The following COL20A1 variants were observed in gnomAD, a reference collection of about 807,000 sequenced individuals.
COL20A1 encodes the protein collagen alpha-1(XX) chain.
In COL20A1, 164 loss-of-function variants were observed where a neutral mutation model predicts 152.9. That is an observed-to-expected ratio of 1.07 (90% CI 0.94 to 1.22). The LOEUF is 1.22. Among genes scored for constraint, COL20A1 ranks in the 50% most tolerant of loss-of-function variants. The pLI, the probability that COL20A1 is intolerant of heterozygous loss-of-function variation, is 0.00. For synonymous variants in COL20A1, 864 were observed against 756.0 expected (o/e 1.14, Z -2.34); for missense variants, 1,873 against 1,744.8 (o/e 1.07, Z -1.31).
Position 63,311,729 on chromosome 20 carries a change from G to C in COL20A1, c.1644G>C (p.Arg548=). Residue 548 remains arginine (R), a synonymous_variant, in exon 13 of 36, where the codon CGG becomes CGC. Transcript: ENST00000358894. The surrounding 1 kb of genome is among the most constrained non-coding windows in gnomAD (Gnocchi z 4.4). Reference sequence around the variant, plus strand: ...GAGGCCCTGAGGGCAGCGAGGCCCGGGGCATCCGTGCCAGGACCCGTGAGT... The same window carrying C: ...GAGGCCCTGAGGGCAGCGAGGCCCGCGGCATCCGTGCCAGGACCCGTGAGT... ...SLRGPEGSEA[R]GIRARTPTLA... 6.3e-7 allele frequency: 1 copy of C among 1,595,604 alleles called. No individual in the cohort carries two copies. The highest frequency in any genetic ancestry group is 8.5e-7 in the Non-Finnish European group (1 of 1,175,378).
Position 63,310,439 on chromosome 20 carries a change from A to G in COL20A1, c.1322A>G (p.Glu441Gly), listed in dbSNP as rs2067990282. The G allele has an allele frequency of 1.2e-6, 2 of 1,610,180 alleles. No homozygotes were observed. The highest frequency in any genetic ancestry group is 1.7e-6 in the Non-Finnish European group (2 of 1,178,920). Residue 441 changes from glutamate to glycine, a missense_variant, in exon 11 of 36, where the codon GAG becomes GGG. Transcript: ENST00000358894. ...CTGCACAACCTGGCCTCCCGCACAG[A>G]GTACCTGGTCTCCGTGTTCCCCATC... ...TELHNLASRT[E>G]YLVSVFPIYE...
chr20:63,334,118 A>G lies in COL20A1; in HGVS notation c.*3402A>G, dbSNP rs539906267. The stretch of plus-strand genomic sequence containing the variant: ...CCTCTCATGTGTGGAATATCCACAC[A>G]CTAACCATGAACTGGGCCATAAGAA... On this transcript the variant is annotated 3_prime_UTR_variant, in exon 36 of 36. Coordinates refer to ENST00000358894, the MANE Select transcript of COL20A1 (RefSeq NM_020882.4). The G allele has an allele frequency of 6.6e-6, 1 of 152,232 alleles. No homozygotes were observed. Among genetic ancestry groups the G allele is most frequent in the Admixed American group, 6.5e-5 (1 of 15,282 alleles). 9.4% of individuals were successfully genotyped at this position (152,232 alleles called of 1,614,324 possible).
rs201640631 is a variant in COL20A1, at chr20:63,329,623, C to T, written c.3820C>T (p.Gln1274Ter). The change falls in exon 35 of 36, where the codon CAG (glutamine) becomes TAG (stop). Residue 1274 changes from glutamine to a stop codon, truncating the protein, a stop_gained. Transcript: ENST00000358894. LOFTEE classifies it high-confidence loss of function. ...GAVGQMGSPGQQGASTQGLWE is the reference protein window; with the variant it reads ...GAVGQMGSPG ...TGTTGGTCAGATGGGCAGCCCTGGG[C>T]AGCAGGGGGCTAGCACCCAGGGCCT... The T allele has an allele frequency of 3.1e-5, 50 of 1,606,928 alleles. No homozygotes were observed. In the African/African-American group the frequency reaches 5.2e-4, roughly 17 times the overall value.
intron 20 of COL20A1, among the ~76,000 whole-genome samples, 163 bp from the exon 21 acceptor site, chr20:63,316,390 C>T (rs2068084369): frequency 6.6e-6 from 1 of 151,932 alleles, no homozygotes. Flanking sequence ...CTGCCCACCC[C>T]CCAGCCCCTG....
chr20:63,322,239 C>T (rs2068174697), intron 27 of COL20A1, 128 bp downstream of exon 27: 2 of 745,070 alleles, frequency 2.7e-6, no homozygotes, highest in Non-Finnish European at 2.1e-6. Flanking sequence ...GTGGGGTCTC[C>T]CCAAGCTGCA....
chr20:63,303,889 T>C (rs1379023818), intron 3 of COL20A1, among the ~76,000 whole-genome samples: 1 of 120,652 alleles, frequency 8.3e-6, no homozygotes, highest in Non-Finnish European at 1.7e-5. Context: ...TCCACCCTCC[T>C]CTTCTCCCTG....
chr20:63,301,012 T>A (rs549348806), intron 3 of COL20A1, among the ~76,000 whole-genome samples: 2 of 152,318 alleles, frequency 1.3e-5, no homozygotes, highest in African/African-American at 4.8e-5. Flanking sequence ...ATGCTTTCAG[T>A]CCTTTGGAAA....
chr20:63,307,445 A>G (rs2067939831), intron 5 of COL20A1, 45 bp from the exon 6 acceptor site: 18 of 1,574,536 alleles, frequency 1.1e-5, no homozygotes, highest in Non-Finnish European at 1.6e-5. Flanking sequence ...GCCTTGGACC[A>G]GGGATGGGCC....
chr20:63,320,013 G>A (rs1391215598), intron 23 of COL20A1, 26 bp from the exon 24 acceptor site: 1 of 1,549,214 alleles, frequency 6.5e-7, no homozygotes, highest in Non-Finnish European at 8.7e-7. Flanking sequence ...CCTGGGCTGT[G>A]GAGAACCTCC....
At position 63,308,051 on chromosome 20, in the gene COL20A1, G is replaced by C; in HGVS notation, c.736G>C (p.Val246Leu). ...CACCAAGGAACAGGTGCTGGCAGCTGTGCGCCGCCTCCGCTACAAGGGGGG... is the reference window on the plus strand; with the variant it reads ...CACCAAGGAACAGGTGCTGGCAGCTCTGCGCCGCCTCCGCTACAAGGGGGG... ...LSTKEQVLAA[V>L]RRLRYKGGNT... The change falls in exon 7 of 36, where the codon GTG becomes CTG. Residue 246 changes from valine to leucine, a missense_variant. Physicochemically the swap from Val to Leu is conservative, Grantham distance 32. Coordinates refer to ENST00000358894, the MANE Select transcript of COL20A1 (RefSeq NM_020882.4). The C allele has an allele frequency of 1.2e-6, 2 of 1,612,532 alleles. No homozygotes were observed. Among genetic ancestry groups the C allele is most frequent in the Non-Finnish European group, 1.7e-6 (2 of 1,179,780 alleles).
chr20:63,316,007 C>G (rs1359101528), intron 20 of COL20A1, among the ~76,000 whole-genome samples: 1 of 152,234 alleles, frequency 6.6e-6, no homozygotes, highest in Non-Finnish European at 1.5e-5. Flanking sequence ...CTGGCACCTG[C>G]GGCTCTGCGC....
chr20:63,316,917 T>C (rs1310213181), intron 21 of COL20A1, among the ~76,000 whole-genome samples: 1 of 152,250 alleles, frequency 6.6e-6, no homozygotes, highest in Non-Finnish European at 1.5e-5. Flanking sequence ...GGCCAGCCCC[T>C]TGGCATATTT....
rs199703564 is a variant in COL20A1 at position 63,325,674 on chromosome 20, C to G, written c.3355C>G (p.Pro1119Ala). ...DHGLPGLQGH[P>A]GHQGIPGRVG... Reference sequence around the variant, plus strand: ...CCCCTCTGTTCTCTCCCAGGGCCACCCCGGCCACCAGGGCATCCCCGGGAG... The same window carrying G: ...CCCCTCTGTTCTCTCCCAGGGCCACGCCGGCCACCAGGGCATCCCCGGGAG... Residue 1119 changes from proline (P) to alanine (A), a missense_variant, in exon 29 of 36, where the codon CCC (proline) becomes GCC (alanine). Pro to Ala is a conservative substitution (Grantham distance 27). Coordinates refer to ENST00000358894, the MANE Select transcript of COL20A1 (RefSeq NM_020882.4). 5,373 of 1,610,000 alleles carry G rather than the reference C, an allele frequency of 3.3e-3. 11 individuals are homozygous for G. Among genetic ancestry groups the G allele is most frequent in the Non-Finnish European group, 4.3e-3 (5,079 of 1,179,026 alleles).
rs951474192 is a variant in COL20A1 at position 63,330,825 on chromosome 20, G to A, written c.*109G>A. The A allele has an allele frequency of 6.6e-6, 1 of 152,278 alleles. No homozygotes were observed. The highest frequency in any genetic ancestry group is 1.5e-5 in the Non-Finnish European group (1 of 68,116). 9.4% of individuals were successfully genotyped at this position (152,278 alleles called of 1,614,324 possible). A position where few individuals can be genotyped will look rare whatever the true frequency, so the allele number is the denominator to read the frequency against. ...AGAAGCCAGGAGAAAAGCTCAGGAAGAGCCTGCAGGTGGAAGGAGAGGGAA... is the reference window on the plus strand; with the variant it reads ...AGAAGCCAGGAGAAAAGCTCAGGAAAAGCCTGCAGGTGGAAGGAGAGGGAA... On this transcript the variant is annotated 3_prime_UTR_variant, in exon 36 of 36. Transcript: ENST00000358894.
chr20:63,326,146 C>A lies in COL20A1; in HGVS notation c.3453C>A (p.Pro1151=), dbSNP rs1487802488. Residue 1151 remains proline, a synonymous_variant, in exon 30 of 36, where the codon CCC becomes CCA. Transcript: ENST00000358894. Reference sequence around the variant, plus strand: ...CTGGCCTGCCTGGACCCCCTGGCCCCAGGGTAGGCACCGACCTCCCATGAC... The same window carrying A: ...CTGGCCTGCCTGGACCCCCTGGCCCAAGGGTAGGCACCGACCTCCCATGAC... ...GTAGLPGPPG[P]RGFQGMAGAR... is the part of the protein sequence containing the mutation. 1 of 1,611,750 alleles carries A rather than the reference C, an allele frequency of 6.2e-7. No individual in the cohort carries two copies. Among genetic ancestry groups the A allele is most frequent in the Non-Finnish European group, 8.5e-7 (1 of 1,178,864 alleles).
At chr20:63,326,642 C>T (rs2068253730) in intron 30 of COL20A1, 110 bp from the exon 31 acceptor site, 4 of 674,298 alleles carry the variant, frequency 5.9e-6, no homozygotes, top group East Asian at 3.4e-5. Context: ...GCCAGGCATC[C>T]ACCGCCCTTG....
chr20:63,321,615 C>T (rs2068163928), intron 26 of COL20A1, among the ~76,000 whole-genome samples: 1 of 152,194 alleles, frequency 6.6e-6, no homozygotes, highest in African/African-American at 2.4e-5. Flanking sequence ...CTATACGGGC[C>T]CTCTACCCAG....
chr20:63,322,172 C>A, intron 27 of COL20A1, 61 bp downstream of exon 27: 1 of 1,306,024 alleles, frequency 7.7e-7, no homozygotes, highest in Non-Finnish European at 1.0e-6. Context: ...GAAGAGAACA[C>A]CCCTCCCAGT....
chr20:63,294,018 A>T (rs1259956786), intron 1 of COL20A1, among the ~76,000 whole-genome samples: 1 of 133,188 alleles, frequency 7.5e-6, no homozygotes, highest in Non-Finnish European at 1.6e-5. Flanking sequence ...CTCAGCACAG[A>T]GGGGTAGGGG....
Sources: allele counts gnomAD v4.1 joint callset (sites outside exome capture counted in the v4.1 genomes callset), GRCh38; gene constraint gnomAD v4.1.1; non-coding constraint Gnocchi (gnomAD v3.1); transcripts MANE v1.5; gene names NCBI Gene and HGNC (gene_info 2026-07-23, HGNC 2026-07-21).